BTBD9: variants seen among roughly 807,000 people sequenced by gnomAD.
BTBD9 encodes the protein BTB domain containing 9.
A neutral mutation model predicts 64.3 loss-of-function variants in BTBD9; 49 were observed. The ratio of observed to expected loss-of-function variants is 0.76; its 90% CI spans 0.61 to 0.97. The LOEUF (loss-of-function observed/expected upper bound fraction) is 0.97. Among genes scored for constraint, BTBD9 ranks in the 50% least tolerant of loss-of-function variants. The pLI, the probability that BTBD9 is intolerant of heterozygous loss-of-function variation, is 0.00. For missense variants in BTBD9, 598 were observed against 762.1 expected (o/e 0.78, Z 2.53); for synonymous variants, 260 against 274.7 (o/e 0.95, Z 0.53).
chr6:38,561,594 C>T (rs893840077), intron 6 of BTBD9, among the ~76,000 whole-genome samples: 1 of 152,070 alleles, frequency 6.6e-6, no homozygotes, highest in Non-Finnish European at 1.5e-5. Context: ...TACATATACA[C>T]CATGGAATAA....
At chr6:38,323,626 A>G (rs956343891) in intron 7 of BTBD9, among the ~76,000 whole-genome samples, 2 of 152,242 alleles carry the variant, frequency 1.3e-5, no homozygotes, top group African/African-American at 2.4e-5. Flanking sequence ...ACAGTCGTCA[A>G]TTTCCATATG....
intron 4 of BTBD9, chr6:38,587,653 C>A (rs1441062439): frequency 1.6e-6 from 1 of 606,162 alleles, no homozygotes; most frequent in African/African-American, 1.9e-5. Flanking sequence ...CTGTCGAGAA[C>A]TGACAGAACT....
chr6:38,396,048 G>A (rs1470931816), intron 6 of BTBD9, among the ~76,000 whole-genome samples: 1 of 152,116 alleles, frequency 6.6e-6, no homozygotes, highest in Non-Finnish European at 1.5e-5. Flanking sequence ...CTGTTACACA[G>A]CAATATATAA....
At chr6:38,179,304 G>C (rs1444963147) in intron 10 of BTBD9, 2 of 367,220 alleles carry the variant, frequency 5.4e-6, no homozygotes, top group Non-Finnish European at 1.1e-5. Flanking sequence ...TAGCAATTTG[G>C]AATCAATAGG....
intron 8 of BTBD9, among the ~76,000 whole-genome samples, chr6:38,286,132 C>T (rs1397564929): frequency 6.6e-6 from 1 of 152,170 alleles, no homozygotes; most frequent in Non-Finnish European, 1.5e-5. Flanking sequence ...GAGGTACAAA[C>T]TCGAGGCTTC....
rs1775447681 is a variant in BTBD9 at position 38,565,388 on chromosome 6, A to G, written c.1154+12212T>C. Among the ~76,000 whole-genome samples, 2 of 152,170 alleles carry G rather than the reference A, an allele frequency of 1.3e-5. 1 individual carries two copies. The highest frequency in any genetic ancestry group is 1.3e-4 in the Admixed American group (2 of 15,282). ...TGCAACCCCTCAAAACAGTCTCCAG[A>G]CATTGCCAAATATCCCTTAAGGGAG... is the stretch of plus-strand genomic sequence containing the variant. On this transcript the variant is annotated intron_variant, in intron 6 of 10. Transcript: ENST00000481247.
chr6:38,592,014 G>A (rs372615660), intron 4 of BTBD9, among the ~76,000 whole-genome samples: 13 of 151,976 alleles, frequency 8.6e-5, no homozygotes, highest in Admixed American at 2.6e-4. Flanking sequence ...GTGAAACCCC[G>A]TCTCTACTAA....
At chr6:38,377,187 C>T (rs1331742881) in intron 6 of BTBD9, among the ~76,000 whole-genome samples, 1 of 151,328 alleles carries the variant, frequency 6.6e-6, no homozygotes, top group Non-Finnish European at 1.5e-5. Context: ...AAAAAGTAAA[C>T]ATTTTACATA....
At chr6:38,179,740 C>T (rs1311679480) in intron 10 of BTBD9, 3 of 456,664 alleles carry the variant, frequency 6.6e-6, no homozygotes, top group African/African-American at 6.0e-5. Context: ...ACATACCTGC[C>T]TCACACAAAC....
intron 6 of BTBD9, among the ~76,000 whole-genome samples, chr6:38,379,588 T>A (rs925449309): frequency 5.3e-5 from 8 of 151,688 alleles, no homozygotes; most frequent in Non-Finnish European, 8.8e-5. Flanking sequence ...AGCAAGAAGG[T>A]AAAGAAGGTT....
intron 1 of BTBD9, among the ~76,000 whole-genome samples, chr6:38,629,546 G>A (rs564724907): frequency 1.8e-4 from 28 of 152,236 alleles, no homozygotes; most frequent in Non-Finnish European, 3.1e-4. Context: ...TAAATAGGCC[G>A]GGCACGGTGG....
intron 6 of BTBD9, among the ~76,000 whole-genome samples, chr6:38,561,152 T>C (rs937063233): frequency 6.6e-6 from 1 of 152,194 alleles, no homozygotes; most frequent in African/African-American, 2.4e-5. Context: ...TTTAAAGAAA[T>C]AGCCACACTG....
At chr6:38,471,948 A>C (rs1770669174) in intron 6 of BTBD9, among the ~76,000 whole-genome samples, 1 of 152,212 alleles carries the variant, frequency 6.6e-6, no homozygotes, top group Admixed American at 6.5e-5. Context: ...TTGCAATTTC[A>C]GGCCTCTATA....
chr6:38,292,227 G>A (rs752489529), intron 7 of BTBD9, among the ~76,000 whole-genome samples: 154 of 152,190 alleles, frequency 1.0e-3, no homozygotes, highest in South Asian at 1.7e-3. Context: ...GCCTCCCAAA[G>A]TGCTGGGATT....
chr6:38,393,906 G>A (rs1766545743), intron 6 of BTBD9, among the ~76,000 whole-genome samples: 1 of 152,068 alleles, frequency 6.6e-6, no homozygotes, highest in South Asian at 2.1e-4. Context: ...TATTTAATAG[G>A]GGCCTATTAT....
chr6:38,516,218 GA>G (rs899885720), intron 6 of BTBD9, among the ~76,000 whole-genome samples: 2 of 152,048 alleles, frequency 1.3e-5, no homozygotes, highest in African/African-American at 4.8e-5. Flanking sequence ...TAGAAAATAG[GA>G]GGGAGAGTAC....
intron 6 of BTBD9, among the ~76,000 whole-genome samples, chr6:38,392,875 A>ATTTTTT (rs11403915): frequency 7.3e-6 from 1 of 137,322 alleles, no homozygotes; most frequent in African/African-American, 2.7e-5. Context: ...TAAGACAATG[A>ATTTTTT]TTTTTTTTTT....
At chr6:38,555,053 C>T (rs1280474868) in intron 6 of BTBD9, among the ~76,000 whole-genome samples, 2 of 152,202 alleles carry the variant, frequency 1.3e-5, no homozygotes, top group East Asian at 3.8e-4. Context: ...TACCCCCAAA[C>T]TGGAAATCTT....
chr6:38,471,100 G>C (rs2127367485), intron 6 of BTBD9, among the ~76,000 whole-genome samples: 1 of 152,214 alleles, frequency 6.6e-6, no homozygotes, highest in East Asian at 1.9e-4. Flanking sequence ...CACTATTTTA[G>C]GGGCAGAACC....
Sources: gnomAD v4.1 joint callset for allele counts (sites outside exome capture counted in the v4.1 genomes callset) on GRCh38, gnomAD v4.1.1 for gene constraint, MANE v1.5 for transcripts, NCBI Gene and HGNC (gene_info 2026-07-23, HGNC 2026-07-21) for gene names.